Variants in JAM2 observed in about 807,000 individuals in gnomAD.
The protein encoded by JAM2 is junctional adhesion molecule 2.
A neutral mutation model predicts 42.0 loss-of-function variants in JAM2; 17 were observed. The observed-to-expected ratio is 0.40, with a 90% confidence interval of 0.28 to 0.61. JAM2 has a LOEUF of 0.61. Among genes scored for constraint, JAM2 ranks in the 20% least tolerant of loss-of-function variants. The pLI is 0.37. For synonymous variants in JAM2, 118 were observed against 128.6 expected (o/e 0.92, Z 0.56); for missense variants, 319 against 358.3 (o/e 0.89, Z 0.89).
intron 5 of JAM2, among the ~76,000 whole-genome samples, chr21:25,699,687 C>T (rs1288835582): frequency 2.3e-5 from 3 of 132,234 alleles, no homozygotes; most frequent in Non-Finnish European, 4.7e-5. Flanking sequence ...CGCGCCACTG[C>T]GCTCCAGCCT....
intron 1 of JAM2, among the ~76,000 whole-genome samples, chr21:25,677,977 G>GC (rs1187616293): frequency 6.6e-6 from 1 of 152,104 alleles, no homozygotes; most frequent in Non-Finnish European, 1.5e-5. Flanking sequence ...AGTAGGCCAG[G>GC]CGCGGTGGCA....
chr21:25,649,538 G>A (rs1267830571), intron 1 of JAM2, among the ~76,000 whole-genome samples: 1 of 152,076 alleles, frequency 6.6e-6, no homozygotes, highest in East Asian at 1.9e-4. Flanking sequence ...GGGGATTATG[G>A]GAACTACAAT....
chr21:25,698,696 A>G lies in JAM2; in HGVS notation c.414A>G (p.Ser138=), dbSNP rs1173984717. ...GTTCAGTGGCTCCAGCAGTTCCATC[A>G]TGTGAAGTACCCTCTTCTGCTCTGA... ...LEVLVAPAVP[S]CEVPSSALSG... The change falls in exon 5 of 10, where the codon TCA becomes TCG. Residue 138 remains serine, a synonymous_variant. Transcript: ENST00000480456. 1 of 1,613,978 alleles carries G rather than the reference A, an allele frequency of 6.2e-7. No individual in the cohort carries two copies. Among genetic ancestry groups the G allele is most frequent in the Non-Finnish European group, 8.5e-7 (1 of 1,179,872 alleles).
At chr21:25,641,595 GT>G (rs35512715) in intron 1 of JAM2, among the ~76,000 whole-genome samples, 94,970 of 149,218 alleles carry the variant, frequency 0.64, 30,779 homozygotes, top group Non-Finnish European at 0.72. Flanking sequence ...GTATGTGGGT[GT>G]TTTTTTTTTT....
chr21:25,662,408 C>T (rs1203441786), intron 1 of JAM2, among the ~76,000 whole-genome samples: 1 of 149,598 alleles, frequency 6.7e-6, no homozygotes, highest in Non-Finnish European at 1.5e-5. Context: ...CCTCAGCCTC[C>T]CAGAGTGCTA....
At chr21:25,691,182 G>T (rs563931913) in intron 3 of JAM2, among the ~76,000 whole-genome samples, 191 of 152,270 alleles carry the variant, frequency 1.3e-3, no homozygotes, top group African/African-American at 4.5e-3. Context: ...TAATGTTAAA[G>T]AATTAAGTGA....
intron 2 of JAM2, among the ~76,000 whole-genome samples, chr21:25,687,909 C>A (rs2123375307): frequency 6.6e-6 from 1 of 152,318 alleles, no homozygotes; most frequent in East Asian, 1.9e-4. Flanking sequence ...GTCTTCATAA[C>A]CCTCATCAAC....
intron 9 of JAM2, chr21:25,714,248 T>C: frequency 7.7e-7 from 1 of 1,297,096 alleles, no homozygotes; most frequent in Non-Finnish European, 1.0e-6. Flanking sequence ...GGCTCACGCC[T>C]GTAATCCCAG....
chr21:25,704,815 C>T (rs563692274), intron 6 of JAM2, among the ~76,000 whole-genome samples: 1 of 152,234 alleles, frequency 6.6e-6, no homozygotes, highest in African/African-American at 2.4e-5. Flanking sequence ...TGTCTGCTAG[C>T]CTGTTACATA....
chr21:25,639,388 C>T lies in JAM2; in HGVS notation c.-434C>T, dbSNP rs1422306461. On this transcript the variant is annotated 5_prime_UTR_variant, in exon 1 of 10. Transcript: ENST00000480456. ...CCCCCAGCCTGCCCGCGCCTCCCGC[C>T]CCCAGCTCCTCGCCCTGGGGACAGC... 6.2e-6 allele frequency: 1 copy of T among 161,584 alleles called. No individual in the cohort carries two copies. Among genetic ancestry groups the T allele is most frequent in the African/African-American group, 2.4e-5 (1 of 41,822 alleles). The allele number at this position is 161,584 out of a possible 1,614,324, so 10.0% of individuals were successfully genotyped here.
intron 7 of JAM2, 151 bp from the exon 8 acceptor site, chr21:25,709,283 A>G (rs983223022): frequency 2.2e-6 from 1 of 465,076 alleles, no homozygotes; most frequent in African/African-American, 1.9e-5. Flanking sequence ...TTACCAAAAA[A>G]GTTTGCCAAC....
chr21:25,656,463 T>A (rs2829848), intron 1 of JAM2, among the ~76,000 whole-genome samples: 1 of 152,204 alleles, frequency 6.6e-6, no homozygotes, highest in Admixed American at 6.5e-5. Flanking sequence ...TTTCTCATAG[T>A]TCCTTTAGCC....
chr21:25,675,676 C>T (rs1049060284), intron 1 of JAM2, among the ~76,000 whole-genome samples: 3 of 151,994 alleles, frequency 2.0e-5, no homozygotes, highest in Non-Finnish European at 4.4e-5. Context: ...TTTTAAACAA[C>T]CAGATCTCAG....
chr21:25,684,136 G>A (rs1473962400), intron 2 of JAM2, among the ~76,000 whole-genome samples, 188 bp downstream of exon 2: 4 of 152,134 alleles, frequency 2.6e-5, no homozygotes, highest in South Asian at 4.1e-4. Context: ...GGAAATTTTC[G>A]ATATTCAATA....
intron 1 of JAM2, among the ~76,000 whole-genome samples, chr21:25,646,548 G>A (rs759296804): frequency 6.6e-6 from 1 of 151,886 alleles, no homozygotes; most frequent in Non-Finnish European, 1.5e-5. Context: ...GTGTGTGAGT[G>A]TATGCATGCA....
chr21:25,711,399 T>C, intron 8 of JAM2: 1 of 456,094 alleles, frequency 2.2e-6, no homozygotes, highest in Non-Finnish European at 4.4e-6. Context: ...TCTATGGGCG[T>C]AGAGAGAAGA....
intron 3 of JAM2, among the ~76,000 whole-genome samples, chr21:25,693,407 G>A (rs934242521): frequency 1.3e-5 from 2 of 151,926 alleles, no homozygotes; most frequent in Admixed American, 6.6e-5. Context: ...ACAGGCGCCC[G>A]CCACCACACC....
At chr21:25,644,837 T>C (rs2032556624) in intron 1 of JAM2, among the ~76,000 whole-genome samples, 2 of 150,592 alleles carry the variant, frequency 1.3e-5, no homozygotes, top group Admixed American at 1.3e-4. Context: ...GTATAACTCA[T>C]AGTGATATAA....
At chr21:25,664,282 C>T (rs1380747979) in intron 1 of JAM2, among the ~76,000 whole-genome samples, 2 of 151,906 alleles carry the variant, frequency 1.3e-5, no homozygotes, top group East Asian at 1.9e-4. Context: ...GTTTCCCAGG[C>T]GGGAGTGCAG....
Sources: gnomAD v4.1 joint callset for allele counts (sites outside exome capture counted in the v4.1 genomes callset) on GRCh38, gnomAD v4.1.1 for gene constraint, MANE v1.5 for transcripts, NCBI Gene and HGNC (gene_info 2026-07-23, HGNC 2026-07-21) for gene names.